The following JADE1 variants were observed in gnomAD, a reference collection of about 807,000 sequenced individuals.
The protein encoded by JADE1 is jade family PHD finger 1.
A neutral mutation model predicts 81.8 loss-of-function variants in JADE1; 14 were observed. The observed-to-expected ratio is 0.17, with a 90% CI of 0.11 to 0.27. The LOEUF is 0.27. JADE1 is among the 10% of genes least tolerant of loss of function. The pLI is 1.00. For missense variants in JADE1, 690 were observed against 1,047.9 expected, an observed-to-expected ratio of 0.66 and a Z score of 4.71; for synonymous variants, 353 against 391.9, an observed-to-expected ratio of 0.90 and a Z score of 1.17.
chr4:128,863,911 AGT>A, intron 9 of JADE1: 6 of 985,460 alleles, frequency 6.1e-6, no homozygotes, highest in Non-Finnish European at 7.2e-6. Context: ...ACAAAATAAA[AGT>A]GTAGAAAATG....
intron 3 of JADE1, among the ~76,000 whole-genome samples, chr4:128,844,731 A>AT (rs1391229384): frequency 6.6e-6 from 1 of 151,972 alleles, no homozygotes; most frequent in Non-Finnish European, 1.5e-5. Context: ...ATTACACGTG[A>AT]TTTTTGTGGG....
chr4:128,831,524 C>T (rs1383043501), intron 1 of JADE1: 2 of 536,132 alleles, frequency 3.7e-6, no homozygotes, highest in Non-Finnish European at 6.6e-6. Context: ...TATGTGACTT[C>T]TCCACCCCTC....
chr4:128,850,312 C>CA (rs10626914), intron 5 of JADE1, among the ~76,000 whole-genome samples: 36,443 of 139,858 alleles, frequency 0.26, 5,090 homozygotes, highest in African/African-American at 0.34. Context: ...GACTCCATCT[C>CA]AAAAAAAAAA....
chr4:128,831,492 G>T (rs1728547937), intron 1 of JADE1: 2 of 503,142 alleles, frequency 4.0e-6, no homozygotes, highest in East Asian at 7.1e-5. Context: ...AAGAAACCTG[G>T]CATCTTTGGG....
intron 3 of JADE1, among the ~76,000 whole-genome samples, chr4:128,844,332 C>G (rs1352741249): frequency 6.6e-6 from 1 of 152,136 alleles, no homozygotes; most frequent in Non-Finnish European, 1.5e-5. Flanking sequence ...CTGGCTTTGT[C>G]CCAGCCCTAC....
At chr4:128,859,261 TG>T (rs1209820208) in intron 8 of JADE1, among the ~76,000 whole-genome samples, 2 of 151,964 alleles carry the variant, frequency 1.3e-5, no homozygotes, top group African/African-American at 4.8e-5. Context: ...TGTGCATGTG[TG>T]GGGGTGTGAG....
intron 1 of JADE1, among the ~76,000 whole-genome samples, chr4:128,814,252 G>T (rs1449498798): frequency 6.6e-6 from 1 of 152,182 alleles, no homozygotes; most frequent in Non-Finnish European, 1.5e-5. Flanking sequence ...AGCCTAGGGG[G>T]TTGGAGAAGA....
intron 1 of JADE1, among the ~76,000 whole-genome samples, chr4:128,825,213 G>C (rs760749020): frequency 6.6e-6 from 1 of 152,112 alleles, no homozygotes; most frequent in Non-Finnish European, 1.5e-5. Flanking sequence ...TTAACTTTTT[G>C]TGTTTTTAGT....
At chr4:128,867,371 G>C (rs1731858015) in intron 9 of JADE1, among the ~76,000 whole-genome samples, 1 of 152,210 alleles carries the variant, frequency 6.6e-6, no homozygotes, top group Non-Finnish European at 1.5e-5. Flanking sequence ...GATGACCCTT[G>C]GCCCCATGTT....
chr4:128,863,361 C>T, intron 9 of JADE1: 1 of 985,536 alleles, frequency 1.0e-6, no homozygotes, highest in Non-Finnish European at 1.2e-6. Flanking sequence ...GTGAGGTTTT[C>T]TGGCCTGAAG....
rs757686479 is a variant in JADE1 at position 128,824,404 on chromosome 4, C to A, written c.-26-7329C>A. Among the ~76,000 whole-genome samples the A allele has an allele frequency of 2.7e-5, 4 of 150,370 alleles. No homozygotes were observed. The South Asian group carries it at 6.4e-4, about 24-fold the overall frequency. The stretch of plus-strand genomic sequence containing the variant: ...TTGCACTCCAGCCTAGGTGACAGAG[C>A]GAGACTCCAACTCAAAAAAAATAAA... On this transcript the variant is annotated intron_variant, in intron 1 of 10. Transcript: ENST00000226319.
chr4:128,850,364 G>C (rs1730248541), intron 5 of JADE1, among the ~76,000 whole-genome samples: 1 of 151,572 alleles, frequency 6.6e-6, no homozygotes, highest in Non-Finnish European at 1.5e-5. Flanking sequence ...TCACAGCCTT[G>C]AAGGGCCAAG....
intron 9 of JADE1, chr4:128,864,038 A>G (rs1731589961): frequency 1.0e-6 from 1 of 985,222 alleles, no homozygotes; most frequent in Non-Finnish European, 1.2e-6. Context: ...AACAATGCCA[A>G]CGATGTATGA....
chr4:128,832,511 C>T (rs1328871353), intron 2 of JADE1, among the ~76,000 whole-genome samples: 1 of 152,204 alleles, frequency 6.6e-6, no homozygotes, highest in African/African-American at 2.4e-5. Context: ...TTATGTTTTA[C>T]ATTACAAATT....
chr4:128,810,791 T>G (rs893435277), intron 1 of JADE1, among the ~76,000 whole-genome samples: 3 of 151,826 alleles, frequency 2.0e-5, no homozygotes, highest in Non-Finnish European at 2.9e-5. Context: ...GAACTGGGCT[T>G]CCAGTGATCA....
Position 128,852,201 on chromosome 4 carries a change from A to G in JADE1, c.629A>G (p.Gln210Arg). Residue 210 changes from glutamine (Q) to arginine (R), a missense_variant, in exon 6 of 11, where the codon CAG becomes CGG. Physicochemically the swap from Gln to Arg is conservative, Grantham distance 43 (BLOSUM62 1). Coordinates refer to ENST00000226319, the MANE Select transcript of JADE1 (RefSeq NM_199320.4). ...YDEDVVCDVC[Q>R]SPDGEDGNEM... ...GAAGATGTTGTCTGTGATGTCTGCC[A>G]GTCTCCTGATGGTGAGGACGGCAAT... 2 of 1,614,150 alleles carry G rather than the reference A, an allele frequency of 1.2e-6. No individual in the cohort carries two copies. The highest frequency in any genetic ancestry group is 1.7e-6 in the Non-Finnish European group (2 of 1,180,000).
At chr4:128,826,589 C>T (rs1003636937) in intron 1 of JADE1, among the ~76,000 whole-genome samples, 3 of 149,806 alleles carry the variant, frequency 2.0e-5, no homozygotes, top group African/African-American at 4.9e-5. Flanking sequence ...AGGCTTGTCT[C>T]GAACTCCAGG....
intron 9 of JADE1, chr4:128,864,543 C>T: frequency 1.0e-6 from 1 of 985,316 alleles, no homozygotes; most frequent in Non-Finnish European, 1.2e-6. Flanking sequence ...GAAATCTTTG[C>T]CTTGCCCAGA....
chr4:128,864,421 C>G (rs1036217689), intron 9 of JADE1: 1 of 983,898 alleles, frequency 1.0e-6, no homozygotes, highest in African/African-American at 1.7e-5. Context: ...GTTGGGATTA[C>G]GCCACTGTAC....
Sources: allele counts gnomAD v4.1 joint callset (sites outside exome capture counted in the v4.1 genomes callset), GRCh38; gene constraint gnomAD v4.1.1; transcripts MANE v1.5; gene names NCBI Gene and HGNC (gene_info 2026-07-23, HGNC 2026-07-21).